The following TAF4 variants were observed in gnomAD, a reference collection of about 807,000 sequenced individuals.
The protein encoded by TAF4 is TATA-box binding protein associated factor 4.
Under a neutral mutation model 90.3 loss-of-function variants are expected in TAF4, and 9 were observed. That is an observed-to-expected ratio of 0.10 (90% CI 0.06 to 0.17). The LOEUF is 0.17. Among genes scored for constraint, TAF4 ranks in the 10% least tolerant of loss-of-function variants. TAF4 has a pLI of 1.00. For missense variants in TAF4, 1,351 were observed against 1,370.7 expected, an observed-to-expected ratio of 0.99 and a Z score of 0.23; for synonymous variants, 818 against 638.9, an observed-to-expected ratio of 1.28 and a Z score of -4.23.
At position 62,007,580 on chromosome 20, in the gene TAF4, A is replaced by T. The variant is rs1202042575; in HGVS notation, c.1941T>A (p.Ser647=). Residue 647 remains serine (S), a synonymous_variant, in exon 6 of 15, where the codon TCT becomes TCA. Coordinates refer to ENST00000252996, the MANE Select transcript of TAF4 (RefSeq NM_003185.4). The part of the protein sequence containing the change: ...FTSRLYRELN[S]SPQPYLVPFL... Reference sequence around the variant, plus strand: ...AAGGCACAAGGTAAGGTTGAGGTGAAGAATTAAGTTCTCGGTATAACCTGC... The same window carrying T: ...AAGGCACAAGGTAAGGTTGAGGTGATGAATTAAGTTCTCGGTATAACCTGC... 1 of 1,613,000 alleles carries T rather than the reference A, an allele frequency of 6.2e-7. No individual in the cohort carries two copies. Among genetic ancestry groups the T allele is most frequent in the South Asian group, 1.1e-5 (1 of 90,880 alleles).
At chr20:62,043,213 G>A (rs1047181293) in intron 1 of TAF4, among the ~76,000 whole-genome samples, 10 of 152,102 alleles carry the variant, frequency 6.6e-5, no homozygotes, top group African/African-American at 9.7e-5. Flanking sequence ...CAGCTATCCG[G>A]GAGCCTGAGG....
chr20:62,053,960 G>A (rs1294550578), intron 1 of TAF4, among the ~76,000 whole-genome samples: 1 of 152,218 alleles, frequency 6.6e-6, no homozygotes, highest in Non-Finnish European at 1.5e-5. Flanking sequence ...CAGATGAGGT[G>A]GCCCAGACCT....
At chr20:61,979,472 C>T (rs999996194) in intron 14 of TAF4, among the ~76,000 whole-genome samples, 43 of 148,594 alleles carry the variant, frequency 2.9e-4, no homozygotes, top group Non-Finnish European at 1.5e-5. Context: ...GCGCCATGGC[C>T]ACTCCAGAGG....
intron 1 of TAF4, among the ~76,000 whole-genome samples, chr20:62,047,746 C>G (rs1342894232): frequency 6.6e-6 from 1 of 152,236 alleles, no homozygotes; most frequent in Admixed American, 6.5e-5. Flanking sequence ...GCTTCAGCAC[C>G]AACCAGACTT....
Position 62,000,816 on chromosome 20 carries a change from AG to A in TAF4, c.2487-96del, listed in dbSNP as rs1450973804. On this transcript the variant is annotated intron_variant, in intron 9 of 14. Transcript: ENST00000252996. Reference sequence around the variant, plus strand: ...GGGCAGGAAACCCCACGTGGAAGGCAGGGCCGTGAGGAGGCCAGGCCTCTGT... The same window carrying A: ...GGGCAGGAAACCCCACGTGGAAGGCAGGCCGTGAGGAGGCCAGGCCTCTGT... 3 of 1,381,292 alleles carry A rather than the reference AG, an allele frequency of 2.2e-6. No homozygotes were observed. In the African/African-American group the frequency reaches 4.3e-5, roughly 20 times the overall value. 85.6% of individuals were successfully genotyped at this position (1,381,292 alleles called of 1,614,324 possible). A position where few individuals can be genotyped will look rare whatever the true frequency, so the allele number is the denominator to read the frequency against.
At chr20:62,053,771 G>A (rs761529446) in intron 1 of TAF4, among the ~76,000 whole-genome samples, 1 of 152,196 alleles carries the variant, frequency 6.6e-6, no homozygotes, top group African/African-American at 2.4e-5. Flanking sequence ...GGCACAAGCC[G>A]AACCACCCAG....
At chr20:61,981,763 G>C (rs375727178) in intron 14 of TAF4, among the ~76,000 whole-genome samples, 1 of 147,300 alleles carries the variant, frequency 6.8e-6, no homozygotes, top group Non-Finnish European at 1.5e-5. Context: ...CACCCCACCC[G>C]AGAGGAGACA....
intron 1 of TAF4, among the ~76,000 whole-genome samples, chr20:62,021,584 G>T (rs1042943545): frequency 6.6e-6 from 1 of 152,258 alleles, no homozygotes; most frequent in Non-Finnish European, 1.5e-5. Context: ...GGGGCTCTGC[G>T]GACTGCGGCT....
intron 14 of TAF4, among the ~76,000 whole-genome samples, chr20:61,977,025 C>T (rs1198136111): frequency 6.6e-6 from 1 of 152,180 alleles, no homozygotes; most frequent in Non-Finnish European, 1.5e-5. Flanking sequence ...TGCATGACAC[C>T]GCCCAGCAGG....
intron 14 of TAF4, among the ~76,000 whole-genome samples, chr20:61,988,748 G>A (rs949966787): frequency 2.0e-5 from 3 of 152,222 alleles, no homozygotes; most frequent in South Asian, 2.1e-4. Flanking sequence ...AGACGCCGGC[G>A]CCAATCTTCA....
rs1249401530 is a variant in TAF4, at chr20:62,010,275, G to T, written c.1642-110C>A. 19 of 1,526,808 alleles carry T rather than the reference G, an allele frequency of 1.2e-5. No individual in the cohort carries two copies. The highest frequency in any genetic ancestry group is 2.3e-5 in the East Asian group (1 of 43,510). 94.6% of individuals were successfully genotyped at this position (1,526,808 alleles called of 1,614,324 possible). A position where few individuals can be genotyped will look rare whatever the true frequency, so the allele number is the denominator to read the frequency against. ...AAACAAGCCTCCCTGCGGTGGCCAG[G>T]ACGCCCAGGAAGCCAAGGACCCCGG... is the stretch of plus-strand genomic sequence containing the variant. On this transcript the variant is annotated intron_variant, in intron 3 of 14. Coordinates refer to ENST00000252996, the MANE Select transcript of TAF4 (RefSeq NM_003185.4). This position sits in a 1 kb window ranked among gnomAD's most constrained non-coding sequence, Gnocchi z 4.5.
intron 14 of TAF4, among the ~76,000 whole-genome samples, chr20:61,981,715 C>A (rs1263421029): frequency 6.6e-6 from 1 of 152,094 alleles, no homozygotes; most frequent in Non-Finnish European, 1.5e-5. Context: ...GACATTCACA[C>A]CATGACCCAG....
chr20:62,055,815 C>T lies in TAF4; in HGVS notation c.1360+8636G>A, dbSNP rs142776190. 2.0e-5 allele frequency among the ~76,000 whole-genome samples: 3 copies of T among 152,314 alleles called. No homozygotes were observed. The East Asian group carries it at 5.8e-4, about 29-fold the overall frequency. Reference sequence around the variant, plus strand: ...TCAGACATTCCTGCTGATCTGTTTGCCTGTTAACTGCCTGGCCCCCACAAC... The same window carrying T: ...TCAGACATTCCTGCTGATCTGTTTGTCTGTTAACTGCCTGGCCCCCACAAC... On this transcript the variant is annotated intron_variant, in intron 1 of 14. Coordinates refer to ENST00000252996, the MANE Select transcript of TAF4 (RefSeq NM_003185.4).
Position 62,010,234 on chromosome 20 carries a change from C to T in TAF4, c.1642-69G>A, listed in dbSNP as rs2055771025. On this transcript the variant is annotated intron_variant, in intron 3 of 14. Coordinates refer to ENST00000252996, the MANE Select transcript of TAF4 (RefSeq NM_003185.4). The surrounding 1 kb of genome is among the most constrained non-coding windows in gnomAD (Gnocchi z 4.5). ...CAGCTGACGAGGGGGAGACCAGCCT[C>T]ACGCCCAGCAAAAGAAAACAAGCCT... 6.2e-7 allele frequency: 1 copy of T among 1,605,362 alleles called. No homozygotes were observed. The highest frequency in any genetic ancestry group is 8.5e-7 in the Non-Finnish European group (1 of 1,176,338).
At chr20:62,014,016 GT>G in intron 2 of TAF4, among the ~76,000 whole-genome samples, 1 of 119,554 alleles carries the variant, frequency 8.4e-6, no homozygotes, top group African/African-American at 4.1e-5. Flanking sequence ...ACGCGGGGGT[GT>G]GGGTGTGTGT....
At chr20:62,050,704 T>C (rs547547015) in intron 1 of TAF4, among the ~76,000 whole-genome samples, 10 of 152,210 alleles carry the variant, frequency 6.6e-5, no homozygotes, top group African/African-American at 1.9e-4. Context: ...CTGCTGCTGA[T>C]AGGACGGGCA....
intron 1 of TAF4, among the ~76,000 whole-genome samples, chr20:62,042,087 G>A (rs954190364): frequency 2.0e-5 from 3 of 152,186 alleles, no homozygotes; most frequent in African/African-American, 4.8e-5. Context: ...TCCTGTTTCC[G>A]CGCCCAAATG....
At chr20:62,003,050 C>G (rs2055717222) in intron 9 of TAF4, 110 bp downstream of exon 9, 2 of 820,708 alleles carry the variant, frequency 2.4e-6, no homozygotes, top group Non-Finnish European at 3.9e-6. Flanking sequence ...GGAGCCCCGG[C>G]CGCCAGGGCC....
intron 14 of TAF4, among the ~76,000 whole-genome samples, chr20:61,992,932 G>A (rs1362137127): frequency 1.3e-5 from 2 of 152,146 alleles, no homozygotes; most frequent in Non-Finnish European, 2.9e-5. Flanking sequence ...GCAAGTCCTT[G>A]AGATCACAAC....
Sources: gnomAD v4.1 joint callset for allele counts (sites outside exome capture counted in the v4.1 genomes callset) on GRCh38, gnomAD v4.1.1 for gene constraint, Gnocchi (gnomAD v3.1) non-coding constraint, MANE v1.5 for transcripts, NCBI Gene and HGNC (gene_info 2026-07-23, HGNC 2026-07-21) for gene names.